The following CABIN1 variants were observed in gnomAD, a reference collection of about 807,000 sequenced individuals.
CABIN1 encodes the protein calcineurin-binding protein cabin-1.
Under a neutral mutation model 227.7 loss-of-function variants are expected in CABIN1, and 133 were observed. That is an observed-to-expected ratio of 0.58 (90% CI 0.51 to 0.67). The LOEUF (loss-of-function observed/expected upper bound fraction) is 0.67, where lower values mean the gene tolerates loss of function less well. Ranked by LOEUF, CABIN1 falls within the 30% of genes least tolerant of loss-of-function variation. CABIN1 has a pLI of 0.00. For synonymous variants in CABIN1, 1,086 were observed against 1,155.1 expected, an observed-to-expected ratio of 0.94 and a Z score of 1.21; for missense variants, 2,408 against 2,852.5, an observed-to-expected ratio of 0.84 and a Z score of 3.55.
chr22:24,104,050 G>A (rs748515426), intron 26 of CABIN1, among the ~76,000 whole-genome samples: 16 of 152,114 alleles, frequency 1.1e-4, no homozygotes, highest in Non-Finnish European at 1.8e-4. Flanking sequence ...AGGTGACTGG[G>A]GTGGATGAAA....
chr22:24,043,305 TA>T (rs1397929784), intron 6 of CABIN1, among the ~76,000 whole-genome samples: 4 of 149,354 alleles, frequency 2.7e-5, no homozygotes, highest in African/African-American at 9.9e-5. Context: ...TGAATGATTT[TA>T]CTTTTTTTTT....
chr22:24,154,873 C>A (rs2045689142), intron 29 of CABIN1, among the ~76,000 whole-genome samples: 1 of 152,142 alleles, frequency 6.6e-6, no homozygotes, highest in African/African-American at 2.4e-5. Flanking sequence ...TGGAAACCAG[C>A]CAGCTCAGAG....
chr22:24,065,763 A>T (rs1424863533), intron 15 of CABIN1, among the ~76,000 whole-genome samples: 2 of 152,378 alleles, frequency 1.3e-5, no homozygotes, highest in African/African-American at 4.8e-5. Flanking sequence ...GCACCTCGGG[A>T]GGCCGAGGCT....
In CABIN1 at chr22:24,063,138, G is replaced by GC. The variant is rs1402826266; in HGVS notation, c.1877dup (p.Leu627AlafsTer13). 4 of 1,614,028 alleles carry GC rather than the reference G, an allele frequency of 2.5e-6. No individual in the cohort carries two copies. The highest frequency in any genetic ancestry group is 3.4e-6 in the Non-Finnish European group (4 of 1,180,014). On this transcript the variant is annotated frameshift_variant, in exon 14 of 37. Transcript: ENST00000263119. LOFTEE classifies it high-confidence loss of function. Reference sequence around the variant, plus strand: ...TTACTGGCTGAAGGCTCGCTTCCTGGCGCTGCAGGTTAGTTCCATGGTCAG... The same window carrying GC: ...TTACTGGCTGAAGGCTCGCTTCCTGGCCGCTGCAGGTTAGTTCCATGGTCAG...
rs767563239 is a variant in CABIN1 at position 24,072,389 on chromosome 22, C to G, written c.2511C>G (p.Ala837=). The change falls in exon 18 of 37, where the codon GCC becomes GCG. Residue 837 remains alanine, a synonymous_variant. Transcript: ENST00000263119. ...GCAGCATGGCTGTGCAGGAGGAGGC[C>G]AAGGAGCCCCACGTCTCTTCAGTGC... The part of the protein sequence containing the change: ...IDCSMAVQEE[A]KEPHVSSVLP... 6.2e-7 allele frequency: 1 copy of G among 1,614,066 alleles called. No individual in the cohort carries two copies. Among genetic ancestry groups the G allele is most frequent in the Non-Finnish European group, 8.5e-7 (1 of 1,180,034 alleles).
Position 24,120,731 on chromosome 22 carries a change from C to T in CABIN1, c.4632+1033C>T, listed in dbSNP as rs150289392. On this transcript the variant is annotated intron_variant, in intron 28 of 36. Transcript: ENST00000263119. ...GGGAGGCTGAGTCATGAGAATTGCT[C>T]GAACCCGGGAGGCAGAGGTTGCAGT... Among the ~76,000 whole-genome samples the T allele has an allele frequency of 4.8e-3, 727 of 152,172 alleles. 6 individuals are homozygous for T. Among genetic ancestry groups the T allele is most frequent in the Non-Finnish European group, 8.0e-3 (547 of 67,998 alleles).
At chr22:24,039,024 T>C (rs919341507) in intron 4 of CABIN1, among the ~76,000 whole-genome samples, 2 of 152,172 alleles carry the variant, frequency 1.3e-5, no homozygotes, top group Non-Finnish European at 2.9e-5. Context: ...GGTCCCAGCA[T>C]GGGGACTGTG....
intron 12 of CABIN1, among the ~76,000 whole-genome samples, chr22:24,061,223 T>G (rs1348744365): frequency 1.3e-5 from 2 of 152,204 alleles, no homozygotes; most frequent in East Asian, 3.8e-4. Flanking sequence ...CCTCCTCCAC[T>G]TGGTGCCTCC....
intron 10 of CABIN1, among the ~76,000 whole-genome samples, chr22:24,057,433 G>A (rs771456460): frequency 3.9e-5 from 6 of 152,200 alleles, no homozygotes; most frequent in Non-Finnish European, 8.8e-5. Flanking sequence ...CCTTCTAACA[G>A]TTGGCTGGTA....
At chr22:24,164,605 G>T (rs925413997) in intron 30 of CABIN1, 42 bp downstream of exon 30, 2 of 1,589,454 alleles carry the variant, frequency 1.3e-6, no homozygotes, top group Non-Finnish European at 8.5e-7. Context: ...ATGCTGTGTG[G>T]GTCAGGGGCA....
At position 24,177,482 on chromosome 22, in the gene CABIN1, T is replaced by C; in HGVS notation, c.6206-22T>C. The C allele has an allele frequency of 6.6e-7, 1 of 1,515,336 alleles. No individual in the cohort carries two copies. The highest frequency in any genetic ancestry group is 1.4e-5 in the African/African-American group (1 of 71,888). The allele number at this position is 1,515,336 out of a possible 1,614,324, so 93.9% of individuals were successfully genotyped here. A position where few individuals can be genotyped will look rare whatever the true frequency, so the allele number is the denominator to read the frequency against. ...GTGTGATGCGGCAGGCAGGAAGTGCTCTTGGTACCTTTGTCTTCCAGAGGG... is the reference window on the plus strand; with the variant it reads ...GTGTGATGCGGCAGGCAGGAAGTGCCCTTGGTACCTTTGTCTTCCAGAGGG... On this transcript the variant is annotated intron_variant, in intron 35 of 36. Transcript: ENST00000263119. The surrounding 1 kb of genome is among the most constrained non-coding windows in gnomAD (Gnocchi z 4.4).
At chr22:24,032,793 T>C (rs5996663) in intron 1 of CABIN1, among the ~76,000 whole-genome samples, 43,384 of 152,066 alleles carry the variant, frequency 0.29, 7,747 homozygotes, top group African/African-American at 0.5. Flanking sequence ...TGGCCAGGCA[T>C]GGTGGCTCAC....
intron 2 of CABIN1, 150 bp downstream of exon 2, chr22:24,035,670 G>A: frequency 5.1e-6 from 5 of 980,164 alleles, no homozygotes; most frequent in Non-Finnish European, 6.6e-6. Flanking sequence ...CTTTGAGGGT[G>A]TGAGATTGCT....
rs769876359 is a variant in CABIN1, at chr22:24,087,725, G to T, written c.3525+12G>T. 11 of 1,613,288 alleles carry T rather than the reference G, an allele frequency of 6.8e-6. No individual in the cohort carries two copies. In the East Asian group the frequency reaches 8.9e-5, roughly 13 times the overall value. Reference sequence around the variant, plus strand: ...AGCTCGTGCAGCAGGTGAGGAGGGGGTGCTGCAGATGGGCTTGCCATCCTT... The same window carrying T: ...AGCTCGTGCAGCAGGTGAGGAGGGGTTGCTGCAGATGGGCTTGCCATCCTT... On this transcript the variant is annotated intron_variant, in intron 23 of 36. Transcript: ENST00000263119.
intron 29 of CABIN1, among the ~76,000 whole-genome samples, chr22:24,150,079 TGAG>T (rs1199331941): frequency 6.6e-6 from 1 of 152,194 alleles, no homozygotes; most frequent in African/African-American, 2.4e-5. Flanking sequence ...GGGCTACAGA[TGAG>T]GAGCTCCTCT....
intron 28 of CABIN1, among the ~76,000 whole-genome samples, chr22:24,127,848 G>T (rs1007315558): frequency 3.3e-5 from 5 of 151,740 alleles, no homozygotes; most frequent in Non-Finnish European, 7.4e-5. Context: ...GAGTGATCTA[G>T]AACAGTTGTA....
chr22:24,043,610 G>A (rs1337311987), intron 6 of CABIN1, among the ~76,000 whole-genome samples: 2 of 152,034 alleles, frequency 1.3e-5, no homozygotes, highest in African/African-American at 4.8e-5. Context: ...AAATTAACTG[G>A]ACTTGATGGT....
rs553282546 is a variant in CABIN1 at position 24,178,085 on chromosome 22, C to T, written c.6552C>T (p.Asn2184=). ...SAILSAQSAA[N]VRKESLCQPA... is the part of the protein sequence containing the mutation. ...TCCTTTCTGCCCAGTCTGCTGCCAA[C>T]GTGAGGAAGGAGAGCCTATGCCAGC... Residue 2184 remains asparagine, a synonymous_variant, in exon 37 of 37, where the codon AAC becomes AAT. Coordinates refer to ENST00000263119, the MANE Select transcript of CABIN1 (RefSeq NM_012295.4). The T allele has an allele frequency of 2.1e-5, 34 of 1,613,794 alleles. No homozygotes were observed. Among genetic ancestry groups the T allele is most frequent in the South Asian group, 8.8e-5 (8 of 91,082 alleles).
chr22:24,093,417 C>T (rs1240823176), intron 24 of CABIN1, among the ~76,000 whole-genome samples: 1 of 152,038 alleles, frequency 6.6e-6, no homozygotes, highest in Admixed American at 6.6e-5. Context: ...GTGGTGGAGG[C>T]CAGTAGTCCC....
Sources: allele counts gnomAD v4.1 joint callset (sites outside exome capture counted in the v4.1 genomes callset), GRCh38; gene constraint gnomAD v4.1.1; non-coding constraint Gnocchi (gnomAD v3.1); transcripts MANE v1.5; gene names NCBI Gene and HGNC (gene_info 2026-07-23, HGNC 2026-07-21).